The following RAD51B variants were observed in gnomAD, a reference collection of about 807,000 sequenced individuals.
RAD51B encodes the protein DNA repair protein RAD51 homolog 2.
Under a neutral mutation model 42.2 loss-of-function variants are expected in RAD51B, and 38 were observed. The ratio of observed to expected loss-of-function variants is 0.90; its 90% confidence interval spans 0.70 to 1.18. The LOEUF (loss-of-function observed/expected upper bound fraction) is 1.18. Among genes scored for constraint, RAD51B ranks in the 50% most tolerant of loss-of-function variants. The probability of loss-of-function intolerance (pLI) is 0.00; values close to 1 mark genes in which losing one functional copy is unlikely to be tolerated. For missense variants in RAD51B, 373 were observed against 400.7 expected, an observed-to-expected ratio of 0.93 and a Z score of 0.59; for synonymous variants, 154 against 145.2, an observed-to-expected ratio of 1.06 and a Z score of -0.43.
intron 7 of RAD51B, among the ~76,000 whole-genome samples, chr14:67,922,775 T>C (rs1417111988): frequency 2.0e-5 from 3 of 147,824 alleles, no homozygotes; most frequent in African/African-American, 7.5e-5. Context: ...CACTACAACC[T>C]CCACCTCCCG....
chr14:68,536,600 A>G (rs2525521), intron 10 of RAD51B, among the ~76,000 whole-genome samples: 31,249 of 152,092 alleles, frequency 0.21, 3,736 homozygotes, highest in South Asian at 0.3. Flanking sequence ...CTGGTAGCTC[A>G]GGTTATCCTT....
chr14:67,866,035 T>G (rs2042327645), intron 5 of RAD51B, among the ~76,000 whole-genome samples: 1 of 152,222 alleles, frequency 6.6e-6, no homozygotes, highest in South Asian at 2.1e-4. Context: ...GCCACCAATT[T>G]ACAACCTAGC....
intron 4 of RAD51B, among the ~76,000 whole-genome samples, chr14:67,844,605 A>G (rs1243107855): frequency 6.8e-6 from 1 of 146,938 alleles, no homozygotes; most frequent in Non-Finnish European, 1.5e-5. Flanking sequence ...TGTCTTTTAT[A>G]TATATATTAT....
chr14:68,310,189 A>G (rs2081942405), intron 8 of RAD51B, among the ~76,000 whole-genome samples: 1 of 152,038 alleles, frequency 6.6e-6, no homozygotes, highest in African/African-American at 2.4e-5. Flanking sequence ...GAGGGTGCCC[A>G]CCTCTCTCCT....
chr14:68,669,336 G>T (rs1893103039), intron 11 of RAD51B, among the ~76,000 whole-genome samples: 1 of 152,146 alleles, frequency 6.6e-6, no homozygotes, highest in Non-Finnish European at 1.5e-5. Context: ...AGCCCTAACT[G>T]CCTCCCTGCC....
At chr14:68,310,730 G>A (rs983305393) in intron 8 of RAD51B, among the ~76,000 whole-genome samples, 2 of 151,962 alleles carry the variant, frequency 1.3e-5, no homozygotes, top group Non-Finnish European at 2.9e-5. Context: ...CTGTAATCCC[G>A]GCTACTCGGG....
At chr14:68,108,648 G>A (rs539127505) in intron 7 of RAD51B, among the ~76,000 whole-genome samples, 2 of 151,744 alleles carry the variant, frequency 1.3e-5, no homozygotes, top group Non-Finnish European at 2.9e-5. Context: ...AATGAGTATC[G>A]GGTTTCTTTT....
intron 7 of RAD51B, among the ~76,000 whole-genome samples, chr14:68,215,446 G>GT (rs2079794858): frequency 6.6e-6 from 1 of 152,154 alleles, no homozygotes; most frequent in African/African-American, 2.4e-5. Context: ...ATTAACAAAT[G>GT]TTTTCTGAGC....
intron 7 of RAD51B, among the ~76,000 whole-genome samples, chr14:68,131,039 T>G (rs1217251958): frequency 6.6e-6 from 1 of 152,232 alleles, no homozygotes; most frequent in Non-Finnish European, 1.5e-5. Flanking sequence ...ATATCCAAAT[T>G]TAGAATTATT....
At chr14:68,351,274 A>C (rs1408858294) in intron 8 of RAD51B, among the ~76,000 whole-genome samples, 1 of 152,248 alleles carries the variant, frequency 6.6e-6, no homozygotes, top group African/African-American at 2.4e-5. Context: ...CTAAGGGAAC[A>C]GCATGAACTA....
At chr14:68,002,738 C>T (rs2075509698) in intron 7 of RAD51B, among the ~76,000 whole-genome samples, 1 of 152,108 alleles carries the variant, frequency 6.6e-6, no homozygotes, top group Non-Finnish European at 1.5e-5. Flanking sequence ...TTTCAATTTT[C>T]TGCATGTGGC....
chr14:68,340,972 T>G (rs2082560911), intron 8 of RAD51B, among the ~76,000 whole-genome samples: 1 of 152,038 alleles, frequency 6.6e-6, no homozygotes, highest in Non-Finnish European at 1.5e-5. Context: ...AATTTCAAAT[T>G]ATAATTTTGC....
chr14:68,117,257 A>C (rs958650095), intron 7 of RAD51B, among the ~76,000 whole-genome samples: 1 of 152,164 alleles, frequency 6.6e-6, no homozygotes, highest in African/African-American at 2.4e-5. Flanking sequence ...TGAGACACAA[A>C]GGCCTTCCAA....
At chr14:67,836,668 T>C (rs1471381844) in intron 4 of RAD51B, among the ~76,000 whole-genome samples, 1 of 152,120 alleles carries the variant, frequency 6.6e-6, no homozygotes, top group Non-Finnish European at 1.5e-5. Context: ...TTTCACCATG[T>C]TGTCCAGGCT....
At chr14:68,608,943 C>CAT in intron 10 of RAD51B, among the ~76,000 whole-genome samples, 1 of 152,166 alleles carries the variant, frequency 6.6e-6, no homozygotes, top group African/African-American at 2.4e-5. Context: ...CACTTCTCAA[C>CAT]CTCTGCACTG....
At chr14:68,415,353 C>T (rs1016858525) in intron 9 of RAD51B, among the ~76,000 whole-genome samples, 1 of 152,136 alleles carries the variant, frequency 6.6e-6, no homozygotes, top group South Asian at 2.1e-4. Flanking sequence ...AGGGCACAGG[C>T]TGGGTTTTGC....
At chr14:68,417,457 C>G (rs181163908) in intron 9 of RAD51B, among the ~76,000 whole-genome samples, 154 of 152,336 alleles carry the variant, frequency 1.0e-3, no homozygotes, top group African/African-American at 3.5e-3. Flanking sequence ...GAAATCCAAG[C>G]CCCTGCCCAC....
chr14:68,313,619 A>G (rs778573427), intron 8 of RAD51B, among the ~76,000 whole-genome samples: 4 of 152,098 alleles, frequency 2.6e-5, no homozygotes, highest in African/African-American at 4.8e-5. Context: ...TTCATTCTCC[A>G]GCCATCTGGG....
chr14:68,326,261 A>T (rs2082251088), intron 8 of RAD51B, among the ~76,000 whole-genome samples: 1 of 151,812 alleles, frequency 6.6e-6, no homozygotes, highest in Admixed American at 6.6e-5. Context: ...GCTGGTCTTG[A>T]ACTCCTGACC....
Sources: gnomAD v4.1 joint callset for allele counts (sites outside exome capture counted in the v4.1 genomes callset) on GRCh38, gnomAD v4.1.1 for gene constraint, MANE v1.5 for transcripts, NCBI Gene and HGNC (gene_info 2026-07-23, HGNC 2026-07-21) for gene names.